Variants in SRPK2 observed in about 807,000 individuals in gnomAD.
SRPK2 encodes SRSF protein kinase 2.
SRPK2 carries 21 observed loss-of-function variants against 90.8 expected under a neutral mutation model. That is an observed-to-expected ratio of 0.23 (90% CI 0.16 to 0.33). The LOEUF (loss-of-function observed/expected upper bound fraction) is 0.33, where lower values mean the gene tolerates loss of function less well. SRPK2 is among the 10% of genes least tolerant of loss of function. SRPK2 has a pLI of 1.00. For synonymous variants in SRPK2, 288 were observed against 311.1 expected (o/e 0.93, Z 0.78); for missense variants, 620 against 869.0 (o/e 0.71, Z 3.60).
chr7:105,312,437 CAAAA>C lies in SRPK2; in HGVS notation c.71+76207_71+76210del, dbSNP rs61348366. 3.0e-3 allele frequency among the ~76,000 whole-genome samples: 258 copies of C among 84,870 alleles called. 2 individuals are homozygous for C. The highest frequency in any genetic ancestry group is 0.011 in the African/African-American group (235 of 20,756). 55.7% of individuals were successfully genotyped at this position (84,870 alleles called of 152,430 possible). On this transcript the variant is annotated intron_variant, in intron 2 of 15. Transcript: ENST00000393651. Reference sequence around the variant, plus strand: ...CCTAAGCAACAGAGTGAGACTCCGTCAAAAAAAAAAAAAAAAACAAGCGGGGGTA... The same window carrying C: ...CCTAAGCAACAGAGTGAGACTCCGTCAAAAAAAAAAAAACAAGCGGGGGTA...
In SRPK2 at chr7:105,232,407, C is replaced by T. The variant is rs150764860; in HGVS notation, c.72-28622G>A. ...ACGGGAGGCAAAGGTTGCGGTGAGCCGAGATCGCGCCATTGCACTCCAGCC... is the reference window on the plus strand; with the variant it reads ...ACGGGAGGCAAAGGTTGCGGTGAGCTGAGATCGCGCCATTGCACTCCAGCC... On this transcript the variant is annotated intron_variant, in intron 2 of 15. Transcript: ENST00000393651. Among the ~76,000 whole-genome samples the T allele has an allele frequency of 3.6e-3, 533 of 148,586 alleles. 3 individuals carry two copies. Among genetic ancestry groups the T allele is most frequent in the African/African-American group, 0.013 (503 of 40,076 alleles).
At chr7:105,350,071 C>T (rs1306687517) in intron 2 of SRPK2, among the ~76,000 whole-genome samples, 2 of 150,398 alleles carry the variant, frequency 1.3e-5, no homozygotes, top group East Asian at 3.9e-4. Context: ...AGGCATTATG[C>T]TAAATATATC....
chr7:105,302,221 T>C lies in SRPK2; in HGVS notation c.71+86427A>G, dbSNP rs571317959. 7.3e-5 allele frequency: 53 copies of C among 730,006 alleles called. 1 individual carries two copies. In the South Asian group the frequency reaches 8.0e-4, roughly 11 times the overall value. 45.2% of individuals were successfully genotyped at this position (730,006 alleles called of 1,614,324 possible). A position where few individuals can be genotyped will look rare whatever the true frequency, so the allele number is the denominator to read the frequency against. On this transcript the variant is annotated intron_variant, in intron 2 of 15. Transcript: ENST00000393651. Reference sequence around the variant, plus strand: ...TGTATGTTTCTTACATTAAAAAGGTTGTAAGTTGAAAGTTCATGAAGAGAT... The same window carrying C: ...TGTATGTTTCTTACATTAAAAAGGTCGTAAGTTGAAAGTTCATGAAGAGAT...
intron 2 of SRPK2, among the ~76,000 whole-genome samples, chr7:105,374,255 T>A (rs1484052943): frequency 6.6e-6 from 1 of 152,154 alleles, no homozygotes; most frequent in Non-Finnish European, 1.5e-5. Context: ...TATTCTTCAT[T>A]AAGTATAACA....
chr7:105,368,189 TAAA>T (rs1330412305), intron 2 of SRPK2, among the ~76,000 whole-genome samples: 1 of 152,082 alleles, frequency 6.6e-6, no homozygotes, highest in African/African-American at 2.4e-5. Flanking sequence ...AAAAATAAAA[TAAA>T]AAAAGTTTTT....
intron 2 of SRPK2, among the ~76,000 whole-genome samples, chr7:105,316,226 A>G (rs979099466): frequency 6.6e-6 from 1 of 152,014 alleles, no homozygotes. Context: ...AGCCTCCCAA[A>G]ATGCTGGGAT....
intron 3 of SRPK2, among the ~76,000 whole-genome samples, chr7:105,197,747 G>T (rs574410289): frequency 6.6e-6 from 1 of 152,178 alleles, no homozygotes; most frequent in East Asian, 1.9e-4. Context: ...TAAAGGAAAG[G>T]GTCTGATTAG....
chr7:105,347,501 T>C (rs947878544), intron 2 of SRPK2, among the ~76,000 whole-genome samples: 1 of 152,080 alleles, frequency 6.6e-6, no homozygotes, highest in South Asian at 2.1e-4. Context: ...GACTGGCTTA[T>C]AAATATGTGT....
At chr7:105,397,260 C>T (rs1306303099) in intron 1 of SRPK2, among the ~76,000 whole-genome samples, 1 of 152,058 alleles carries the variant, frequency 6.6e-6, no homozygotes, top group Non-Finnish European at 1.5e-5. Context: ...TCGTGATCCA[C>T]CCGCCTCGGC....
chr7:105,118,145 C>T (rs954493776), intron 15 of SRPK2, 123 bp from the exon 16 acceptor site: 100 of 877,486 alleles, frequency 1.1e-4, no homozygotes, highest in Admixed American at 5.5e-5. Context: ...ACAGCAACAA[C>T]AAAGAACACC....
upstream of SRPK2, chr7:105,389,048 C>T (rs1822031717): frequency 6.2e-6 from 6 of 966,982 alleles, no homozygotes; most frequent in Non-Finnish European, 7.3e-6. Flanking sequence ...CGCCCAGCGC[C>T]CCGCGCCCCC....
intron 14 of SRPK2, 23 bp from the exon 15 acceptor site, chr7:105,126,363 A>C: frequency 6.4e-7 from 1 of 1,568,752 alleles, no homozygotes; most frequent in Non-Finnish European, 8.8e-7. Flanking sequence ...GAAAAAAAGG[A>C]TATGGGAATG....
chr7:105,370,643 TC>T (rs1338285057), intron 2 of SRPK2, among the ~76,000 whole-genome samples: 2 of 138,594 alleles, frequency 1.4e-5, no homozygotes, highest in African/African-American at 5.3e-5. Flanking sequence ...TGAGACAGAC[TC>T]TCGCTCTGCA....
chr7:105,343,340 G>T (rs751672637), intron 2 of SRPK2, among the ~76,000 whole-genome samples: 2 of 152,112 alleles, frequency 1.3e-5, no homozygotes, highest in East Asian at 1.9e-4. Context: ...AAGCTGAGGT[G>T]GGGGGATCAC....
At chr7:105,177,965 C>T (rs952556218) in intron 3 of SRPK2, among the ~76,000 whole-genome samples, 1 of 149,450 alleles carries the variant, frequency 6.7e-6, no homozygotes, top group South Asian at 2.1e-4. Context: ...GAAGGTGGAG[C>T]TTGCAGTGAG....
intron 4 of SRPK2, among the ~76,000 whole-genome samples, chr7:105,168,316 A>C (rs1367350394): frequency 1.3e-5 from 2 of 152,232 alleles, no homozygotes; most frequent in Non-Finnish European, 2.9e-5. Context: ...AGATTATTTA[A>C]AATATCGTAT....
chr7:105,190,799 G>A lies in SRPK2; in HGVS notation c.229+12829C>T, dbSNP rs556214553. On this transcript the variant is annotated intron_variant, in intron 3 of 15. Transcript: ENST00000393651. ...TGCTTGCTGATACTTCTGATTCTCC[G>A]ATTCATATTTCTAACCACCTTCTTG... 3.9e-5 allele frequency among the ~76,000 whole-genome samples: 6 copies of A among 152,172 alleles called. No homozygotes were observed. In the South Asian group the frequency reaches 1.0e-3, roughly 26 times the overall value.
At chr7:105,302,673 T>C (rs1020066876) in intron 2 of SRPK2, among the ~76,000 whole-genome samples, 2 of 152,126 alleles carry the variant, frequency 1.3e-5, no homozygotes, top group Non-Finnish European at 2.9e-5. Context: ...AATATCTATT[T>C]ATATTTTTCT....
chr7:105,394,921 A>G (rs1822279817), intron 1 of SRPK2, among the ~76,000 whole-genome samples: 1 of 152,250 alleles, frequency 6.6e-6, no homozygotes, highest in Admixed American at 6.5e-5. Context: ...CTGTAATCCC[A>G]GCCCTTTGGG....
Sources: gnomAD v4.1 joint callset for allele counts (sites outside exome capture counted in the v4.1 genomes callset) on GRCh38, gnomAD v4.1.1 for gene constraint, MANE v1.5 for transcripts, NCBI Gene and HGNC (gene_info 2026-07-23, HGNC 2026-07-21) for gene names.